TNRC6C: variants seen among roughly 807,000 people sequenced by gnomAD.
TNRC6C encodes trinucleotide repeat-containing gene 6C protein.
Under a neutral mutation model 153.7 loss-of-function variants are expected in TNRC6C, and 20 were observed. That is an observed-to-expected ratio of 0.13 (90% CI 0.09 to 0.19). TNRC6C has a LOEUF of 0.19. TNRC6C is among the 10% of genes least tolerant of loss of function. The pLI is 1.00. For missense variants in TNRC6C, 1,987 were observed against 2,172.0 expected (o/e 0.91, Z 1.69); for synonymous variants, 811 against 841.4 (o/e 0.96, Z 0.63).
intron 1 of TNRC6C, among the ~76,000 whole-genome samples, chr17:77,961,388 T>G (rs537969567): frequency 2.0e-5 from 3 of 152,212 alleles, no homozygotes; most frequent in Non-Finnish European, 4.4e-5. Context: ...ACTCCTGACT[T>G]CAGGTGATCC....
Position 78,028,486 on chromosome 17 carries a change from A to G in TNRC6C, c.-545-3030A>G, listed in dbSNP as rs182184185. On this transcript the variant is annotated intron_variant, in intron 1 of 19. Transcript: ENST00000301624. ...TACTTAGCAACCTGAGTCAGGAAGT[A>G]GGGAGAGTAGACAGTGGGTTCATCC... 1.7e-4 allele frequency among the ~76,000 whole-genome samples: 26 copies of G among 152,050 alleles called. No individual in the cohort carries two copies. The East Asian group carries it at 2.1e-3, about 12-fold the overall frequency.
chr17:77,960,135 C>G (rs2070849838), intron 1 of TNRC6C, among the ~76,000 whole-genome samples: 1 of 152,164 alleles, frequency 6.6e-6, no homozygotes. Flanking sequence ...ATTGGTGATT[C>G]TGCACGTAAT....
chr17:78,055,574 G>A (rs188388858), intron 3 of TNRC6C, among the ~76,000 whole-genome samples: 14 of 152,268 alleles, frequency 9.2e-5, no homozygotes, highest in Admixed American at 9.2e-4. Context: ...CCATTGTCCT[G>A]TACGCAGTCA....
chr17:78,101,913 T>G (rs2073603094), intron 17 of TNRC6C, among the ~76,000 whole-genome samples: 2 of 151,548 alleles, frequency 1.3e-5, no homozygotes, highest in Admixed American at 1.3e-4. Flanking sequence ...CTGCAGAGAG[T>G]TTTTTTTATG....
At chr17:77,967,875 C>T (rs900686668) in intron 1 of TNRC6C, among the ~76,000 whole-genome samples, 4 of 152,060 alleles carry the variant, frequency 2.6e-5, no homozygotes, top group African/African-American at 4.8e-5. Context: ...TATATCCCGC[C>T]CTCCTTTAGG....
Position 77,977,748 on chromosome 17 carries a change from A to G in TNRC6C, c.-38+18480A>G, listed in dbSNP as rs547694859. ...CAGGGACAGCTTTCCAGTTTATTTTATGAAGCTAACATACCAAAGACACAA... is the reference window on the plus strand; with the variant it reads ...CAGGGACAGCTTTCCAGTTTATTTTGTGAAGCTAACATACCAAAGACACAA... On this transcript the variant is annotated intron_variant, in intron 1 of 22. Transcript: ENST00000636222. Among the ~76,000 whole-genome samples, 13 of 152,242 alleles carry G rather than the reference A, an allele frequency of 8.5e-5. No individual in the cohort carries two copies. The East Asian group carries it at 1.7e-3, about 20-fold the overall frequency.
chr17:78,053,822 A>T (rs2072587838), intron 3 of TNRC6C, among the ~76,000 whole-genome samples: 1 of 152,132 alleles, frequency 6.6e-6, no homozygotes, highest in Admixed American at 6.5e-5. Flanking sequence ...GCTTGAGCCC[A>T]GGAGTTCAAA....
chr17:77,967,286 T>C (rs1194828517), intron 1 of TNRC6C, among the ~76,000 whole-genome samples: 2 of 152,160 alleles, frequency 1.3e-5, no homozygotes, highest in East Asian at 1.9e-4. Flanking sequence ...GAGTTACTTA[T>C]TAGCAGGGAT....
chr17:78,097,436 C>CT (rs1567966514), intron 16 of TNRC6C, among the ~76,000 whole-genome samples: 1 of 152,098 alleles, frequency 6.6e-6, no homozygotes, highest in African/African-American at 2.4e-5. Flanking sequence ...CAGTGTGGTC[C>CT]TTTAAAACTC....
chr17:78,008,010 C>T (rs755835546), intron 1 of TNRC6C, among the ~76,000 whole-genome samples: 6 of 152,140 alleles, frequency 3.9e-5, no homozygotes, highest in Non-Finnish European at 7.3e-5. Context: ...ATGACATGCT[C>T]ATCTATGATA....
chr17:78,013,636 T>C (rs975071685), intron 1 of TNRC6C, among the ~76,000 whole-genome samples: 1 of 152,188 alleles, frequency 6.6e-6, no homozygotes, highest in Non-Finnish European at 1.5e-5. Context: ...ACATGTATCC[T>C]TACTAACTGG....
chr17:78,022,819 C>A (rs929291941), intron 1 of TNRC6C, among the ~76,000 whole-genome samples: 1 of 152,170 alleles, frequency 6.6e-6, no homozygotes, highest in Middle Eastern at 3.2e-3. Context: ...AACTAACTGT[C>A]AATCAAAAAT....
intron 1 of TNRC6C, among the ~76,000 whole-genome samples, chr17:78,012,503 T>G (rs2071653228): frequency 6.6e-6 from 1 of 152,126 alleles, no homozygotes; most frequent in Non-Finnish European, 1.5e-5. Flanking sequence ...ATAAAGGCTT[T>G]TTTAAAAAAG....
chr17:77,972,220 A>G (rs144694828), intron 1 of TNRC6C, among the ~76,000 whole-genome samples: 21 of 152,266 alleles, frequency 1.4e-4, no homozygotes, highest in African/African-American at 5.1e-4. Flanking sequence ...AAAATCAAGA[A>G]TGAAAGAGAG....
At chr17:78,103,484 C>T (rs2073634003) in exon 19 of TNRC6C, 1 of 1,613,934 alleles carries the variant, frequency 6.2e-7, no homozygotes, top group Non-Finnish European at 8.5e-7. Flanking sequence ...CTGAATCTGA[C>T]TCAAGGCAAT....
Position 78,071,278 on chromosome 17 carries a change from G to A in TNRC6C, c.2859+113G>A, listed in dbSNP as rs2072991244. On this transcript the variant is annotated intron_variant, in intron 6 of 19. Transcript: ENST00000301624. ...TCAGAAGACACCAAGATTGTTTGAG[G>A]AATGAGATATTGACATCATCTAACT... 8 of 1,073,346 alleles carry A rather than the reference G, an allele frequency of 7.5e-6. No individual in the cohort carries two copies. In the Admixed American group the frequency reaches 1.5e-4, roughly 20 times the overall value. The allele number at this position is 1,073,346 out of a possible 1,614,324, so 66.5% of individuals were successfully genotyped here. A position where few individuals can be genotyped will look rare whatever the true frequency, so the allele number is the denominator to read the frequency against.
chr17:78,038,286 A>G (rs2072220359), intron 2 of TNRC6C, among the ~76,000 whole-genome samples: 1 of 152,212 alleles, frequency 6.6e-6, no homozygotes, highest in Non-Finnish European at 1.5e-5. Context: ...TGTTCCGACA[A>G]ATCAAAAGAA....
intron 2 of TNRC6C, among the ~76,000 whole-genome samples, chr17:78,047,209 T>C (rs2072429985): frequency 6.6e-6 from 1 of 152,258 alleles, no homozygotes. Flanking sequence ...TTATTTTCTG[T>C]GTTAAATGAG....
At chr17:77,961,977 C>T (rs2070866326) in intron 1 of TNRC6C, among the ~76,000 whole-genome samples, 1 of 152,150 alleles carries the variant, frequency 6.6e-6, no homozygotes, top group Non-Finnish European at 1.5e-5. Context: ...GTAGGACAAC[C>T]TTTCTCCTTA....
Sources: allele counts gnomAD v4.1 joint callset (sites outside exome capture counted in the v4.1 genomes callset), GRCh38; gene constraint gnomAD v4.1.1; transcripts MANE v1.5; gene names NCBI Gene and HGNC (gene_info 2026-07-23, HGNC 2026-07-21).